The following ZC3H12B variants were observed in gnomAD, a reference collection of about 807,000 sequenced individuals.
ZC3H12B encodes zinc finger CCCH-type containing 12B.
Under a neutral mutation model 43.9 loss-of-function variants are expected in ZC3H12B, and 7 were observed. The ratio of observed to expected loss-of-function variants is 0.16; its 90% CI spans 0.09 to 0.30. ZC3H12B has a LOEUF of 0.30. ZC3H12B is among the 10% of genes least tolerant of loss of function. ZC3H12B has a pLI of 1.00. For synonymous variants in ZC3H12B, 222 were observed against 241.7 expected (o/e 0.92, Z 0.76); for missense variants, 475 against 670.2 (o/e 0.71, Z 3.22).
chrX:65,310,046 C>T, the ZC3H12B span, among the ~76,000 whole-genome samples: 1 of 112,088 alleles, frequency 8.9e-6, no homozygotes, highest in African/African-American at 3.2e-5. Flanking sequence ...CAATATCATA[C>T]TGAATGGGCA....
At chrX:65,468,406 C>A (rs953309573) in intron 3 of ZC3H12B, among the ~76,000 whole-genome samples, 1 of 109,510 alleles carries the variant, frequency 9.1e-6, no homozygotes, top group Non-Finnish European at 1.9e-5. Context: ...CAGATTTGTT[C>A]TTTTTGCTTA....
chrX:65,109,275 G>A, the ZC3H12B span, among the ~76,000 whole-genome samples: 3 of 111,334 alleles, frequency 2.7e-5, no homozygotes, highest in African/African-American at 9.8e-5. Flanking sequence ...TCAAAGTTAT[G>A]ATTCCATTAC....
intron 2 of ZC3H12B, among the ~76,000 whole-genome samples, chrX:65,383,598 C>T (rs2066476184): frequency 9.0e-6 from 1 of 111,231 alleles, no homozygotes; most frequent in Admixed American, 9.6e-5. Flanking sequence ...CCAAAATTGA[C>T]AAATGGGATC....
At chrX:65,458,798 A>G (rs937607779) in intron 3 of ZC3H12B, among the ~76,000 whole-genome samples, 1 of 111,717 alleles carries the variant, frequency 9.0e-6, no homozygotes, top group Non-Finnish European at 1.9e-5. Flanking sequence ...CAATTGAAAG[A>G]ACTAGAGAAG....
chrX:65,472,972 GTGTGTA>G (rs1569420635), intron 3 of ZC3H12B, among the ~76,000 whole-genome samples: 11 of 78,984 alleles, frequency 1.4e-4, no homozygotes, highest in African/African-American at 7.5e-4. Context: ...ATGTGTATGT[GTGTGTA>G]TATATATATA....
rs945162272 is a variant in ZC3H12B at position 65,405,769 on chromosome X, G to A, written n.407+7065G>A. On this transcript the variant is annotated intron_variant and non_coding_transcript_variant, in intron 3 of 5. Coordinates refer to the ZC3H12B transcript ENST00000617377. ...ACTTTAGCCAAACTTACTAATAAAA[G>A]GAGAGAAGATTCAAATAAAAGCATT... Among the ~76,000 whole-genome samples, 7 of 111,773 alleles carry A rather than the reference G, an allele frequency of 6.3e-5. 1 individual carries two copies. The highest frequency in any genetic ancestry group is 1.9e-4 in the African/African-American group (6 of 30,785).
chrX:65,228,327 T>C, the ZC3H12B span, among the ~76,000 whole-genome samples: 1 of 111,705 alleles, frequency 9.0e-6, no homozygotes, highest in East Asian at 2.8e-4. Flanking sequence ...TTGACAAAAT[T>C]CAACAACACT....
chrX:65,211,881 GTTATGTATACTATATAATATATA>G, the ZC3H12B span, among the ~76,000 whole-genome samples: 3 of 72,915 alleles, frequency 4.1e-5, no homozygotes, highest in Non-Finnish European at 7.0e-5. Context: ...TATAATATAT[GTTATGTATACTATATAATATATA>G]TGTTATGTAT....
intron 2 of ZC3H12B, 108 bp from the exon 5 acceptor site, chrX:65,398,485 T>C (rs1011158622): frequency 1.8e-5 from 2 of 111,307 alleles, no homozygotes; most frequent in East Asian, 2.8e-4. Context: ...ATCATTGGGG[T>C]GGATTTTCCC....
chrX:65,420,959 C>T (rs918737410), intron 3 of ZC3H12B, among the ~76,000 whole-genome samples: 1 of 112,273 alleles, frequency 8.9e-6, no homozygotes, highest in Non-Finnish European at 1.9e-5. Flanking sequence ...CTACCAGAAG[C>T]AGTTTGCTTT....
the ZC3H12B span, among the ~76,000 whole-genome samples, chrX:65,125,417 C>A: frequency 9.0e-6 from 1 of 111,164 alleles, no homozygotes; most frequent in South Asian, 3.7e-4. Context: ...TATCTTATAT[C>A]TTGAAGAATG....
At chrX:65,312,968 G>C in the ZC3H12B span, among the ~76,000 whole-genome samples, 1 of 111,557 alleles carries the variant, frequency 9.0e-6, no homozygotes, top group Non-Finnish European at 1.9e-5. Flanking sequence ...TGCAACCTCC[G>C]CCCTCTGGGT....
the ZC3H12B span, among the ~76,000 whole-genome samples, chrX:65,335,117 C>A: frequency 1.8e-5 from 2 of 111,758 alleles, no homozygotes; most frequent in Non-Finnish European, 3.8e-5. Flanking sequence ...TTCTGATACC[C>A]CCAAAGTATT....
the ZC3H12B span, among the ~76,000 whole-genome samples, chrX:65,179,469 A>G: frequency 9.0e-6 from 1 of 111,133 alleles, no homozygotes; most frequent in Non-Finnish European, 1.9e-5. Flanking sequence ...AAAAGCTAGC[A>G]GAAGACATGA....
the ZC3H12B span, among the ~76,000 whole-genome samples, chrX:65,224,564 G>T: frequency 8.9e-6 from 1 of 112,673 alleles, no homozygotes; most frequent in Non-Finnish European, 1.9e-5. Context: ...GCCAAAGCAG[G>T]GCGAGGCATT....
chrX:65,279,294 C>T, the ZC3H12B span, among the ~76,000 whole-genome samples: 2 of 96,099 alleles, frequency 2.1e-5, no homozygotes, highest in African/African-American at 4.7e-5. Flanking sequence ...GCAACCTTAC[C>T]AGCATTTTTT....
chrX:65,136,016 C>T, the ZC3H12B span, among the ~76,000 whole-genome samples: 457 of 111,309 alleles, frequency 4.1e-3, 2 homozygotes, highest in African/African-American at 0.013. Context: ...ATTGCAATTT[C>T]TCTATTTTCT....
At chrX:65,149,045 C>T in the ZC3H12B span, among the ~76,000 whole-genome samples, 3 of 111,639 alleles carry the variant, frequency 2.7e-5, no homozygotes, top group African/African-American at 6.5e-5. Context: ...CTGTGTTTCT[C>T]TGTGTTTTTT....
chrX:65,339,418 AC>A, the ZC3H12B span, among the ~76,000 whole-genome samples: 2 of 111,823 alleles, frequency 1.8e-5, no homozygotes, highest in Non-Finnish European at 3.8e-5. Flanking sequence ...GCAAGAGAAG[AC>A]CCCTCAAACA....
Sources: allele counts gnomAD v4.1 joint callset (sites outside exome capture counted in the v4.1 genomes callset), GRCh38; gene constraint gnomAD v4.1.1; transcripts MANE v1.5; gene names NCBI Gene and HGNC (gene_info 2026-07-23, HGNC 2026-07-21).